Variants in TNKS observed in about 807,000 individuals in gnomAD.
The protein encoded by TNKS is tankyrase.
TNKS carries 72 observed loss-of-function variants against 135.8 expected under a neutral mutation model. The observed-to-expected ratio is 0.53, with a 90% CI of 0.44 to 0.64. The LOEUF (loss-of-function observed/expected upper bound fraction) is 0.64, where lower values mean the gene tolerates loss of function less well. TNKS is among the 30% of genes least tolerant of loss of function. The pLI is 0.00. For synonymous variants in TNKS, 849 were observed against 649.3 expected (o/e 1.31, Z -4.68); for missense variants, 1,769 against 1,674.0 (o/e 1.06, Z -0.99).
At chr8:9,606,493 G>A (rs1245918757) in intron 2 of TNKS, among the ~76,000 whole-genome samples, 1 of 152,058 alleles carries the variant, frequency 6.6e-6, no homozygotes, top group Non-Finnish European at 1.5e-5. Context: ...CTTGAAATTA[G>A]GTAGTGTGAG....
intron 23 of TNKS, 131 bp from the exon 24 acceptor site, chr8:9,765,561 G>C: frequency 1.5e-6 from 1 of 688,588 alleles, no homozygotes; most frequent in South Asian, 2.0e-5. Flanking sequence ...TGACATGGTA[G>C]CTTTATCACT....
chr8:9,608,639 C>T (rs1002760967), intron 2 of TNKS, among the ~76,000 whole-genome samples: 2 of 152,180 alleles, frequency 1.3e-5, no homozygotes, highest in African/African-American at 4.8e-5. Context: ...CCTTCACAGA[C>T]ATCTGGGGCC....
intron 3 of TNKS, among the ~76,000 whole-genome samples, chr8:9,659,763 CA>C (rs1388540014): frequency 6.6e-6 from 1 of 151,936 alleles, no homozygotes; most frequent in African/African-American, 2.4e-5. Context: ...GATAGAGACA[CA>C]AAAAACCGTT....
chr8:9,556,792 T>A, intron 1 of TNKS, 180 bp downstream of exon 1: 1 of 376,238 alleles, frequency 2.7e-6, no homozygotes, highest in Non-Finnish European at 4.9e-6. Context: ...GGGGCGTGGT[T>A]GGGGGGGATA....
intron 20 of TNKS, among the ~76,000 whole-genome samples, chr8:9,756,386 C>A (rs955973320): frequency 6.6e-6 from 1 of 151,882 alleles, no homozygotes; most frequent in African/African-American, 2.4e-5. Context: ...TTTGCAGTGA[C>A]CTTTGCTTTA....
At chr8:9,595,583 G>T (rs966539595) in intron 2 of TNKS, among the ~76,000 whole-genome samples, 2 of 151,804 alleles carry the variant, frequency 1.3e-5, no homozygotes, top group African/African-American at 4.8e-5. Context: ...CTTATTAATT[G>T]TGTTTTATTA....
chr8:9,736,440 G>A (rs1241692759), intron 17 of TNKS, among the ~76,000 whole-genome samples: 1 of 152,014 alleles, frequency 6.6e-6, no homozygotes, highest in Non-Finnish European at 1.5e-5. Context: ...AAACCTCCAG[G>A]TGAAAGTCCA....
intron 14 of TNKS, among the ~76,000 whole-genome samples, chr8:9,732,152 G>A (rs1486271877): frequency 6.6e-6 from 1 of 152,148 alleles, no homozygotes; most frequent in Non-Finnish European, 1.5e-5. Flanking sequence ...TATTAAAAAT[G>A]TACAGTCTCT....
In TNKS at chr8:9,751,829, A is replaced by G. The variant is rs753437426; in HGVS notation, c.3053A>G (p.Glu1018Gly). Residue 1018 changes from glutamate (E) to glycine (G), a missense_variant, in exon 19 of 27, where the codon GAA (glutamate) becomes GGA (glycine). By Grantham distance (98) the Glu-to-Gly change is moderately conservative (BLOSUM62 -2). This residue lies in a region of TNKS where 722 missense variants were observed against 688.9 expected (regional missense o/e 1.05). Transcript: ENST00000310430. ...GCAGGGGATGGCGCCGCGGGAACAG[A>G]AAGGAAGGAAGGAGAAGGTGAGTAG... ...SNAGDGAAGT[E>G]RKEGEVAGLD... 13 of 1,614,042 alleles carry G rather than the reference A, an allele frequency of 8.1e-6. No individual in the cohort carries two copies. The Admixed American group carries it at 2.0e-4, about 25-fold the overall frequency.
intron 1 of TNKS, among the ~76,000 whole-genome samples, chr8:9,569,153 C>T (rs58946539): frequency 6.6e-6 from 1 of 152,148 alleles, no homozygotes; most frequent in Non-Finnish European, 1.5e-5. Context: ...TCCTTGAAAG[C>T]TCAGATTTTA....
At chr8:9,761,784 C>T (rs1448733942) in intron 21 of TNKS, 148 bp downstream of exon 21, 1 of 786,480 alleles carries the variant, frequency 1.3e-6, no homozygotes, top group South Asian at 2.0e-5. Flanking sequence ...AGTTATTGGC[C>T]TCATGCTCCC....
At chr8:9,613,214 A>G (rs1037405384) in intron 2 of TNKS, among the ~76,000 whole-genome samples, 74 of 152,206 alleles carry the variant, frequency 4.9e-4, no homozygotes, top group African/African-American at 1.8e-3. Flanking sequence ...CTACAGAAAG[A>G]GTTAGCTGAC....
At chr8:9,685,372 C>G (rs1802945772) in intron 5 of TNKS, among the ~76,000 whole-genome samples, 1 of 152,122 alleles carries the variant, frequency 6.6e-6, no homozygotes, top group Admixed American at 6.5e-5. Context: ...ACCCTTTCCA[C>G]AAGGCATTTG....
intron 3 of TNKS, among the ~76,000 whole-genome samples, chr8:9,677,091 C>T (rs117986065): frequency 1.3e-3 from 192 of 152,256 alleles, no homozygotes; most frequent in Non-Finnish European, 1.9e-3. Context: ...GCTCTAAATT[C>T]ATTATGTTAG....
chr8:9,581,902 A>G (rs1411788979), intron 2 of TNKS, among the ~76,000 whole-genome samples: 1 of 152,156 alleles, frequency 6.6e-6, no homozygotes, highest in Non-Finnish European at 1.5e-5. Flanking sequence ...AAAAGACTAG[A>G]TATGGGGCTT....
intron 20 of TNKS, among the ~76,000 whole-genome samples, chr8:9,759,934 C>T (rs1353651400): frequency 6.6e-6 from 1 of 151,398 alleles, no homozygotes; most frequent in Non-Finnish European, 1.5e-5. Context: ...GCTGAGATCG[C>T]GCCACTGCAC....
chr8:9,780,112 G>A lies in TNKS; in HGVS notation c.*3376G>A, dbSNP rs987252089. ...AAAATTTTGATATATGCCGGAGAAC[G>A]GCATTAGAATGCAATAAGTTGTCTA... On this transcript the variant is annotated 3_prime_UTR_variant, in exon 27 of 27. Transcript: ENST00000310430. 14 of 152,120 alleles carry A rather than the reference G, an allele frequency of 9.2e-5. No homozygotes were observed. Among genetic ancestry groups the A allele is most frequent in the African/African-American group, 3.1e-4 (13 of 41,398 alleles). 9.4% of individuals were successfully genotyped at this position (152,120 alleles called of 1,614,324 possible). A position where few individuals can be genotyped will look rare whatever the true frequency, so the allele number is the denominator to read the frequency against.
chr8:9,717,236 A>G (rs949182629), intron 11 of TNKS, among the ~76,000 whole-genome samples: 2 of 150,674 alleles, frequency 1.3e-5, no homozygotes, highest in Admixed American at 6.6e-5. Context: ...GGATTAAAAA[A>G]CATTTCAAGT....
chr8:9,594,627 TTTA>T (rs1798706436), intron 2 of TNKS, among the ~76,000 whole-genome samples: 1 of 152,182 alleles, frequency 6.6e-6, no homozygotes, highest in South Asian at 2.1e-4. Context: ...AGTAACATAT[TTTA>T]TTGTCAGTGA....
Sources: gnomAD v4.1 joint callset for allele counts (sites outside exome capture counted in the v4.1 genomes callset) on GRCh38, gnomAD v4.1.1 for gene constraint, gnomAD v4.1.1 regional missense constraint, MANE v1.5 for transcripts, NCBI Gene and HGNC (gene_info 2026-07-23, HGNC 2026-07-21) for gene names.